SCN8A: variants seen among roughly 807,000 people sequenced by gnomAD.
The protein encoded by SCN8A is sodium voltage-gated channel alpha subunit 8, also known as sodium channel protein type 8 subunit alpha.
SCN8A carries 30 observed loss-of-function variants against 184.1 expected under a neutral mutation model. That is an observed-to-expected ratio of 0.16 (90% CI 0.12 to 0.22). The LOEUF (loss-of-function observed/expected upper bound fraction) is 0.22, where lower values mean the gene tolerates loss of function less well. SCN8A is among the 10% of genes least tolerant of loss of function. The pLI is 1.00. For synonymous variants in SCN8A, 852 were observed against 907.0 expected (o/e 0.94, Z 1.09); for missense variants, 1,057 against 2,498.9 (o/e 0.42, Z 12.30).
At chr12:51,697,657 A>G (rs926800993) in intron 6 of SCN8A, among the ~76,000 whole-genome samples, 2 of 152,204 alleles carry the variant, frequency 1.3e-5, no homozygotes, top group African/African-American at 4.8e-5. Context: ...AGTGCCAGCT[A>G]TGTGCCAGGA....
chr12:51,679,134 C>T (rs1335665515), intron 2 of SCN8A, among the ~76,000 whole-genome samples: 1 of 151,260 alleles, frequency 6.6e-6, no homozygotes, highest in Non-Finnish European at 1.5e-5. Context: ...CAGTGGCTCA[C>T]AGCTATAATC....
rs117291199 is a variant in SCN8A at position 51,643,734 on chromosome 12, T to C, written c.-54-19030T>C. Reference sequence around the variant, plus strand: ...ATATATTGACATTTCGTGTAAGATATGATTTGAAAAAGACTTCCACTGATT... The same window carrying C: ...ATATATTGACATTTCGTGTAAGATACGATTTGAAAAAGACTTCCACTGATT... On this transcript the variant is annotated intron_variant, in intron 1 of 26. Transcript: ENST00000627620. 7.5e-3 allele frequency among the ~76,000 whole-genome samples: 1,143 copies of C among 152,356 alleles called. 4 individuals carry two copies. The highest frequency in any genetic ancestry group is 0.013 in the Non-Finnish European group (878 of 68,034).
intron 14 of SCN8A, among the ~76,000 whole-genome samples, chr12:51,761,899 A>G (rs1407649802): frequency 1.3e-5 from 2 of 152,114 alleles, no homozygotes; most frequent in African/African-American, 4.8e-5. Context: ...TATGTATTCT[A>G]TGATTTTCCA....
intron 3 of SCN8A, 51 bp downstream of exon 3, chr12:51,684,343 G>C (rs1451950953): frequency 1.1e-6 from 1 of 887,032 alleles, no homozygotes; most frequent in East Asian, 2.4e-5. Context: ...ATGGTTGCTT[G>C]TTTACCTTTC....
chr12:51,605,946 G>GT (rs1031395761), intron 1 of SCN8A, among the ~76,000 whole-genome samples: 5 of 151,578 alleles, frequency 3.3e-5, no homozygotes, highest in African/African-American at 1.2e-4. Flanking sequence ...GGGATTGTTT[G>GT]TTTTTTTTCT....
chr12:51,797,319 C>T (rs960427447), intron 26 of SCN8A, among the ~76,000 whole-genome samples: 6 of 152,270 alleles, frequency 3.9e-5, no homozygotes, highest in Non-Finnish European at 5.9e-5. Context: ...ACAAATCTTA[C>T]GTCACATGAT....
chr12:51,615,317 G>A (rs918886666), intron 1 of SCN8A, among the ~76,000 whole-genome samples: 1 of 152,136 alleles, frequency 6.6e-6, no homozygotes, highest in African/African-American at 2.4e-5. Context: ...CACTTTGGGA[G>A]GCCAAGGTGG....
chr12:51,667,372 TA>T (rs1184195395), intron 2 of SCN8A, among the ~76,000 whole-genome samples: 30 of 151,964 alleles, frequency 2.0e-4, no homozygotes, highest in African/African-American at 5.1e-4. Flanking sequence ...TACTTACTAT[TA>T]TTTTTTTTTT....
rs12315039 is a variant in SCN8A, at chr12:51,706,810, G to C, written c.1635+95G>C. 2,220 of 929,332 alleles carry C rather than the reference G, an allele frequency of 2.4e-3. 26 individuals carry two copies. The highest frequency in any genetic ancestry group is 0.021 in the African/African-American group (1,257 of 60,012). The allele number at this position is 929,332 out of a possible 1,614,324, so 57.6% of individuals were successfully genotyped here. On this transcript the variant is annotated intron_variant, in intron 11 of 26. Transcript: ENST00000627620. ...TATTATACCATCTTTACCATTTTAA[G>C]TGTACCGTTCAGTGTTAAGCACAAT...
At chr12:51,705,002 T>C (rs1004307149) in intron 9 of SCN8A, among the ~76,000 whole-genome samples, 14 of 152,020 alleles carry the variant, frequency 9.2e-5, no homozygotes, top group African/African-American at 2.7e-4. Context: ...AATAAAAAGA[T>C]GGGATTTCCT....
rs901810204 is a variant in SCN8A, at chr12:51,810,740, T to A, written c.*3311T>A. Reference sequence around the variant, plus strand: ...TGAAAAACATTTTCCCCCTCTTCTTTCCTTAACCTCCTTGTTGCTTAGGAT... The same window carrying A: ...TGAAAAACATTTTCCCCCTCTTCTTACCTTAACCTCCTTGTTGCTTAGGAT... On this transcript the variant is annotated 3_prime_UTR_variant, in exon 27 of 27. Coordinates refer to ENST00000627620, the MANE Select transcript of SCN8A (RefSeq NM_001330260.2). The A allele has an allele frequency of 2.0e-5, 3 of 153,206 alleles. No homozygotes were observed. Among genetic ancestry groups the A allele is most frequent in the South Asian group, 2.1e-4 (1 of 4,856 alleles). The allele number at this position is 153,206 out of a possible 1,614,324, so 9.5% of individuals were successfully genotyped here. A position where few individuals can be genotyped will look rare whatever the true frequency, so the allele number is the denominator to read the frequency against.
At chr12:51,756,674 G>A (rs1210524983) in intron 14 of SCN8A, among the ~76,000 whole-genome samples, 1 of 152,158 alleles carries the variant, frequency 6.6e-6, no homozygotes, top group Non-Finnish European at 1.5e-5. Context: ...GGCTCAGACA[G>A]CCCATGCCAG....
chr12:51,794,339 ATCT>A, intron 25 of SCN8A, 29 bp from the exon 26 acceptor site: 1 of 1,585,672 alleles, frequency 6.3e-7, no homozygotes, highest in Non-Finnish European at 8.6e-7. Context: ...GTTTTCATGA[ATCT>A]TTTATCTTTT....
At chr12:51,689,131 C>T in intron 6 of SCN8A, 35 bp downstream of exon 6, 1 of 1,460,464 alleles carries the variant, frequency 6.8e-7, no homozygotes, top group Non-Finnish European at 9.4e-7. Context: ...GACTTTGCCA[C>T]ATCTCCTCTT....
intron 12 of SCN8A, among the ~76,000 whole-genome samples, chr12:51,739,591 C>T (rs185127927): frequency 6.6e-6 from 1 of 152,246 alleles, no homozygotes; most frequent in Non-Finnish European, 1.5e-5. Context: ...ACGAACCAGA[C>T]CCCATCCCTG....
rs1565934781 is a variant in SCN8A, at chr12:51,807,376, GGAA to G, written c.5895_5897del (p.Arg1966del). The G allele has an allele frequency of 1.9e-6, 3 of 1,613,300 alleles. No homozygotes were observed. The highest frequency in any genetic ancestry group is 1.7e-6 in the Non-Finnish European group (2 of 1,179,606). ...GGAGAAACAGCAGCGGGCAGAGGAA[GGAA>G]GAAGGGAAAGAGCCAAAAGACAAAA... On this transcript the variant is annotated inframe_deletion, in exon 27 of 27. Transcript: ENST00000627620. The surrounding 1 kb of genome is among the most constrained non-coding windows in gnomAD (Gnocchi z 4.5).
intron 20 of SCN8A, 81 bp downstream of exon 20, chr12:51,774,443 C>G (rs1393297258): frequency 1.5e-6 from 2 of 1,342,398 alleles, no homozygotes; most frequent in Non-Finnish European, 2.0e-6. Context: ...ATGGCAGTAG[C>G]TGCCCTGGGC....
At chr12:51,794,120 T>G (rs1383418662) in intron 25 of SCN8A, among the ~76,000 whole-genome samples, 1 of 152,132 alleles carries the variant, frequency 6.6e-6, no homozygotes, top group Non-Finnish European at 1.5e-5. Flanking sequence ...CACTCCAGCC[T>G]GGGCAACAGA....
chr12:51,696,462 C>A lies in SCN8A; in HGVS notation c.707-3108C>A, dbSNP rs182284831. On this transcript the variant is annotated intron_variant, in intron 6 of 26. Coordinates refer to ENST00000627620, the MANE Select transcript of SCN8A (RefSeq NM_001330260.2). ...CATTACACTGGAACAATTTTTATTT[C>A]TTGATGGCTGCCTTCTACTTTATTC... is the stretch of plus-strand genomic sequence containing the variant. Among the ~76,000 whole-genome samples, 462 of 152,302 alleles carry A rather than the reference C, an allele frequency of 3.0e-3. 2 individuals carry two copies. The highest frequency in any genetic ancestry group is 0.011 in the African/African-American group (449 of 41,568).
Sources: allele counts gnomAD v4.1 joint callset (sites outside exome capture counted in the v4.1 genomes callset), GRCh38; gene constraint gnomAD v4.1.1; non-coding constraint Gnocchi (gnomAD v3.1); transcripts MANE v1.5; gene names NCBI Gene and HGNC (gene_info 2026-07-23, HGNC 2026-07-21).